Variants in KAZN observed in about 807,000 individuals in gnomAD.
The protein encoded by KAZN is kazrin.
KAZN carries 40 observed loss-of-function variants against 87.4 expected under a neutral mutation model. That is an observed-to-expected ratio of 0.46 (90% CI 0.36 to 0.60). The LOEUF is 0.60. KAZN is among the 20% of genes least tolerant of loss of function. The pLI is 0.00. For missense variants in KAZN, 898 were observed against 1,073.9 expected, an observed-to-expected ratio of 0.84 and a Z score of 2.29; for synonymous variants, 466 against 458.3, an observed-to-expected ratio of 1.02 and a Z score of -0.22.
chr1:14,346,289 C>G (rs1366128733), intron 2 of KAZN, among the ~76,000 whole-genome samples: 1 of 152,180 alleles, frequency 6.6e-6, no homozygotes, highest in African/African-American at 2.4e-5. Context: ...AAATGCTCTT[C>G]AAGGACACAA....
intron 2 of KAZN, among the ~76,000 whole-genome samples, chr1:14,416,815 G>T (rs1391980923): frequency 6.6e-6 from 1 of 151,966 alleles, no homozygotes; most frequent in East Asian, 1.9e-4. Flanking sequence ...AGCTGCATGT[G>T]GTGGTGGCCC....
intron 1 of KAZN, among the ~76,000 whole-genome samples, chr1:14,689,760 G>T (rs2148781116): frequency 6.6e-6 from 1 of 152,340 alleles, no homozygotes; most frequent in East Asian, 1.9e-4. Flanking sequence ...GGGCTGCTTA[G>T]ACCCTGGCAG....
intron 1 of KAZN, among the ~76,000 whole-genome samples, chr1:14,780,215 C>G (rs1645292249): frequency 6.6e-6 from 1 of 152,210 alleles, no homozygotes; most frequent in African/African-American, 2.4e-5. Context: ...GATCTTTGCT[C>G]TCTGTGCAGC....
chr1:14,910,905 GA>G (rs1223137842), intron 1 of KAZN, among the ~76,000 whole-genome samples: 10 of 152,276 alleles, frequency 6.6e-5, no homozygotes, highest in African/African-American at 2.4e-4. Flanking sequence ...AACACTGTGG[GA>G]AAAACAAAAT....
At chr1:14,224,714 T>C (rs2100514581) in intron 2 of KAZN, among the ~76,000 whole-genome samples, 1 of 152,216 alleles carries the variant, frequency 6.6e-6, no homozygotes, top group South Asian at 2.1e-4. Flanking sequence ...ATCAGAAAGA[T>C]GTTAACAAAA....
chr1:14,339,537 C>A (rs1348385082), intron 2 of KAZN, among the ~76,000 whole-genome samples: 3 of 152,214 alleles, frequency 2.0e-5, no homozygotes, highest in Non-Finnish European at 2.9e-5. Context: ...GCTAGACACG[C>A]AGGAGAGCCG....
intron 2 of KAZN, among the ~76,000 whole-genome samples, chr1:14,326,065 C>T (rs1014040247): frequency 6.6e-6 from 1 of 152,146 alleles, no homozygotes; most frequent in African/African-American, 2.4e-5. Context: ...GTCTGAAGCC[C>T]AGACTTCTGC....
At chr1:14,972,811 G>C (rs555115254) in intron 2 of KAZN, among the ~76,000 whole-genome samples, 1 of 152,138 alleles carries the variant, frequency 6.6e-6, no homozygotes, top group South Asian at 2.1e-4. Flanking sequence ...CGCTGTGCCT[G>C]GCCGTGAGCT....
intron 2 of KAZN, among the ~76,000 whole-genome samples, chr1:14,329,089 T>C (rs1419808300): frequency 1.3e-5 from 2 of 152,182 alleles, no homozygotes; most frequent in Non-Finnish European, 2.9e-5. Flanking sequence ...TGGAGTTAGA[T>C]CCAGGTGCTG....
intron 1 of KAZN, among the ~76,000 whole-genome samples, chr1:13,972,666 G>A (rs1411620364): frequency 6.6e-6 from 1 of 152,192 alleles, no homozygotes; most frequent in East Asian, 1.9e-4. Context: ...CAGCCTCGAT[G>A]CTGGATACAT....
intron 1 of KAZN, among the ~76,000 whole-genome samples, chr1:14,642,215 C>T (rs1299911711): frequency 1.3e-5 from 2 of 152,040 alleles, no homozygotes; most frequent in Non-Finnish European, 2.9e-5. Flanking sequence ...CTGGCTAACA[C>T]GGTGAAACCC....
At chr1:14,114,510 C>T (rs1254718618) in intron 1 of KAZN, among the ~76,000 whole-genome samples, 1 of 152,124 alleles carries the variant, frequency 6.6e-6, no homozygotes, top group Non-Finnish European at 1.5e-5. Flanking sequence ...TTGCCCACCC[C>T]ACCGTCGATG....
intron 2 of KAZN, among the ~76,000 whole-genome samples, chr1:14,336,299 T>G (rs1282077317): frequency 6.6e-6 from 1 of 152,248 alleles, no homozygotes; most frequent in East Asian, 1.9e-4. Context: ...TATTAGTACT[T>G]CATTCCTGTT....
At chr1:14,173,979 C>G (rs1646013609) in intron 1 of KAZN, among the ~76,000 whole-genome samples, 1 of 152,206 alleles carries the variant, frequency 6.6e-6, no homozygotes, top group South Asian at 2.1e-4. Context: ...CAACCTAACA[C>G]AGGGTGACCA....
intron 2 of KAZN, among the ~76,000 whole-genome samples, chr1:14,529,775 G>C (rs189463776): frequency 6.6e-6 from 1 of 152,186 alleles, no homozygotes; most frequent in Non-Finnish European, 1.5e-5. Context: ...GCTCAGGCAC[G>C]GACCAGGGCA....
chr1:14,023,672 C>T (rs902171992), intron 1 of KAZN, among the ~76,000 whole-genome samples: 22 of 152,028 alleles, frequency 1.4e-4, no homozygotes, highest in Non-Finnish European at 2.6e-4. Flanking sequence ...AATCAAGGAA[C>T]GGTAAACAAA....
In KAZN at chr1:14,031,978, C is replaced by T. The variant is rs560690095; in HGVS notation, c.91+138222C>T. ...TGTTTTTTGCCCAAACAAAATAATT[C>T]CCCAAATTGGTAACTTGAATGTTAC... On this transcript the variant is annotated intron_variant, in intron 1 of 16. Transcript: ENST00000636203. 4.6e-5 allele frequency among the ~76,000 whole-genome samples: 7 copies of T among 152,298 alleles called. No individual in the cohort carries two copies. In the South Asian group the frequency reaches 1.5e-3, roughly 32 times the overall value.
At chr1:14,288,316 T>C (rs746937921) in intron 2 of KAZN, among the ~76,000 whole-genome samples, 1 of 152,178 alleles carries the variant, frequency 6.6e-6, no homozygotes. Flanking sequence ...TCCTGGACTT[T>C]TTTTGGTTGG....
At chr1:14,754,688 G>A (rs1369525094) in intron 1 of KAZN, among the ~76,000 whole-genome samples, 6 of 152,080 alleles carry the variant, frequency 3.9e-5, no homozygotes, top group Non-Finnish European at 8.8e-5. Context: ...CACGTTGTTG[G>A]ATGATGTTTG....
Sources: allele counts gnomAD v4.1 joint callset (sites outside exome capture counted in the v4.1 genomes callset), GRCh38; gene constraint gnomAD v4.1.1; transcripts MANE v1.5; gene names NCBI Gene and HGNC (gene_info 2026-07-23, HGNC 2026-07-21).